CNTN5: variants seen among roughly 807,000 people sequenced by gnomAD.
CNTN5 encodes the protein contactin-5.
Under a neutral mutation model 129.1 loss-of-function variants are expected in CNTN5, and 77 were observed. The ratio of observed to expected loss-of-function variants is 0.60; its 90% CI spans 0.50 to 0.72. The LOEUF (loss-of-function observed/expected upper bound fraction) is 0.72. Among genes scored for constraint, CNTN5 ranks in the 30% least tolerant of loss-of-function variants. The pLI is 0.00. For missense variants in CNTN5, 1,478 were observed against 1,328.8 expected, an observed-to-expected ratio of 1.11 and a Z score of -1.75; for synonymous variants, 509 against 465.6, an observed-to-expected ratio of 1.09 and a Z score of -1.20.
chr11:99,981,093 T>TATATAA (rs1938310292), intron 8 of CNTN5, among the ~76,000 whole-genome samples: 1 of 80,672 alleles, frequency 1.2e-5, no homozygotes, highest in Non-Finnish European at 2.5e-5. Flanking sequence ...TATATATATA[T>TATATAA]ATATATATAT....
chr11:100,329,209 C>A (rs1019356841), intron 21 of CNTN5, among the ~76,000 whole-genome samples: 1 of 152,092 alleles, frequency 6.6e-6, no homozygotes, highest in African/African-American at 2.4e-5. Flanking sequence ...CAGCTCTAAT[C>A]CCCTTGGGAA....
chr11:99,050,603 G>A (rs1194772384), intron 1 of CNTN5, among the ~76,000 whole-genome samples: 1 of 151,464 alleles, frequency 6.6e-6, no homozygotes, highest in East Asian at 1.9e-4. Context: ...TCAGGTTAAG[G>A]TATTTACCAT....
intron 1 of CNTN5, among the ~76,000 whole-genome samples, chr11:99,133,615 C>CTAAAAAAA (rs879283937): frequency 9.4e-6 from 1 of 106,004 alleles, no homozygotes; most frequent in African/African-American, 3.7e-5. Flanking sequence ...AGACACTTCT[C>CTAAAAAAA]AAGAAAAAAA....
chr11:100,020,758 G>A (rs989361645), intron 9 of CNTN5, among the ~76,000 whole-genome samples: 3 of 152,044 alleles, frequency 2.0e-5, no homozygotes, highest in Non-Finnish European at 2.9e-5. Context: ...AGACAAAAAT[G>A]AATGGTGTTT....
chr11:99,988,007 T>G (rs1938803018), intron 8 of CNTN5, among the ~76,000 whole-genome samples: 1 of 152,220 alleles, frequency 6.6e-6, no homozygotes, highest in Admixed American at 6.5e-5. Flanking sequence ...TCTAGAGTCT[T>G]TAATGCACAA....
intron 2 of CNTN5, among the ~76,000 whole-genome samples, chr11:99,524,696 G>A (rs1217805878): frequency 2.0e-5 from 3 of 151,810 alleles, no homozygotes; most frequent in African/African-American, 7.2e-5. Context: ...TCAGCTACTC[G>A]AGAGGCTTAG....
At chr11:99,109,427 AC>A (rs1433672063) in intron 1 of CNTN5, among the ~76,000 whole-genome samples, 3 of 152,010 alleles carry the variant, frequency 2.0e-5, no homozygotes, top group African/African-American at 7.2e-5. Flanking sequence ...ATATTTTTAT[AC>A]TTTTTTTTGC....
rs1365921073 is a variant in CNTN5 at position 99,678,305 on chromosome 11, G to A, written c.55+122036G>A. 2.0e-5 allele frequency among the ~76,000 whole-genome samples: 3 copies of A among 151,648 alleles called. No homozygotes were observed. The East Asian group carries it at 5.8e-4, about 29-fold the overall frequency. Reference sequence around the variant, plus strand: ...TTAAAACATAAGCTAAAACCACTAGGCAAAAAATGTTACAAAGAAGGATTA... The same window carrying A: ...TTAAAACATAAGCTAAAACCACTAGACAAAAAATGTTACAAAGAAGGATTA... On this transcript the variant is annotated intron_variant, in intron 3 of 24. Transcript: ENST00000524871.
chr11:100,046,909 T>A (rs1288557730), intron 9 of CNTN5, among the ~76,000 whole-genome samples: 1 of 152,134 alleles, frequency 6.6e-6, no homozygotes, highest in Non-Finnish European at 1.5e-5. Flanking sequence ...TCCAGGAATT[T>A]TTTTTTATCA....
intron 1 of CNTN5, among the ~76,000 whole-genome samples, chr11:99,293,593 C>T (rs1224321252): frequency 6.6e-6 from 1 of 152,010 alleles, no homozygotes. Context: ...ACTTGTATCT[C>T]ATTGTTCATT....
At chr11:100,031,356 A>C (rs1014845535) in intron 9 of CNTN5, among the ~76,000 whole-genome samples, 2 of 152,182 alleles carry the variant, frequency 1.3e-5, no homozygotes, top group African/African-American at 4.8e-5. Flanking sequence ...AGAGCCTATG[A>C]GTGGACGTGC....
At chr11:99,395,854 G>T (rs1941494927) in intron 2 of CNTN5, among the ~76,000 whole-genome samples, 1 of 151,862 alleles carries the variant, frequency 6.6e-6, no homozygotes, top group South Asian at 2.1e-4. Flanking sequence ...TATGGTCTTA[G>T]ATGTTTGGCC....
At chr11:100,097,969 G>GT (rs148930179) in intron 13 of CNTN5, among the ~76,000 whole-genome samples, 6,244 of 151,136 alleles carry the variant, frequency 0.041, 419 homozygotes, top group African/African-American at 0.14. Flanking sequence ...AAATCGGGGA[G>GT]TTTTTTTTTA....
chr11:99,059,465 A>G (rs772191093), intron 1 of CNTN5, among the ~76,000 whole-genome samples: 22 of 152,220 alleles, frequency 1.4e-4, no homozygotes, highest in Admixed American at 3.9e-4. Context: ...TCAGAGCTAA[A>G]TGCACACAGA....
intron 6 of CNTN5, among the ~76,000 whole-genome samples, chr11:99,891,549 C>G (rs1591373411): frequency 6.6e-6 from 1 of 151,992 alleles, no homozygotes; most frequent in Non-Finnish European, 1.5e-5. Flanking sequence ...TCTCATTGCT[C>G]AACTCCCACT....
chr11:99,672,808 G>A (rs1372578691), intron 3 of CNTN5, among the ~76,000 whole-genome samples: 1 of 151,808 alleles, frequency 6.6e-6, no homozygotes, highest in Non-Finnish European at 1.5e-5. Flanking sequence ...CTTTAGACCT[G>A]TTTTCTTGGC....
chr11:99,449,829 G>A (rs1343842371), intron 2 of CNTN5, among the ~76,000 whole-genome samples: 3 of 152,184 alleles, frequency 2.0e-5, no homozygotes, highest in Non-Finnish European at 4.4e-5. Flanking sequence ...GTATCACTTA[G>A]GTGGATGTCC....
intron 2 of CNTN5, among the ~76,000 whole-genome samples, chr11:99,466,916 C>G (rs1944966959): frequency 6.6e-6 from 1 of 152,076 alleles, no homozygotes; most frequent in South Asian, 2.1e-4. Context: ...AGTCAATCAC[C>G]TAGCCTTACT....
chr11:100,132,206 G>A (rs898269622), intron 13 of CNTN5, among the ~76,000 whole-genome samples: 9 of 152,048 alleles, frequency 5.9e-5, no homozygotes, highest in Admixed American at 4.6e-4. Flanking sequence ...CAAGGTCAAC[G>A]CTTATTCAGG....
Sources: gnomAD v4.1 joint callset for allele counts (sites outside exome capture counted in the v4.1 genomes callset) on GRCh38, gnomAD v4.1.1 for gene constraint, MANE v1.5 for transcripts, NCBI Gene and HGNC (gene_info 2026-07-23, HGNC 2026-07-21) for gene names.